The following EPB42 variants were observed in gnomAD, a reference collection of about 807,000 sequenced individuals.
EPB42 encodes the protein protein 4.2.
EPB42 carries 49 observed loss-of-function variants against 76.9 expected under a neutral mutation model. That is an observed-to-expected ratio of 0.64 (90% CI 0.51 to 0.81). The LOEUF (loss-of-function observed/expected upper bound fraction) is 0.81. Among genes scored for constraint, EPB42 ranks in the 30% least tolerant of loss-of-function variants. The pLI, the probability that EPB42 is intolerant of heterozygous loss-of-function variation, is 0.00. For missense variants in EPB42, 731 were observed against 867.6 expected (o/e 0.84, Z 1.98); for synonymous variants, 310 against 338.4 (o/e 0.92, Z 0.92).
chr15:43,225,316 G>GT, upstream of EPB42, among the ~76,000 whole-genome samples: 1 of 152,170 alleles, frequency 6.6e-6, no homozygotes. Context: ...TATTTTTAAA[G>GT]TAACAAAAAC....
chr15:43,199,154 G>A (rs1270264086), intron 12 of EPB42, among the ~76,000 whole-genome samples: 1 of 152,210 alleles, frequency 6.6e-6, no homozygotes, highest in African/African-American at 2.4e-5. Flanking sequence ...GGAGCTGTGA[G>A]AAGAGGGCCG....
chr15:43,211,262 GC>G (rs1345691068), intron 4 of EPB42, among the ~76,000 whole-genome samples, 153 bp downstream of exon 4: 1 of 152,122 alleles, frequency 6.6e-6, no homozygotes, highest in Non-Finnish European at 1.5e-5. Flanking sequence ...TTCTGATATG[GC>G]CCAGAGGAAG....
intron 3 of EPB42, among the ~76,000 whole-genome samples, chr15:43,214,649 T>G (rs1162802346): frequency 6.6e-6 from 1 of 152,136 alleles, no homozygotes; most frequent in Non-Finnish European, 1.5e-5. Flanking sequence ...CTTCAGGTCC[T>G]GCAAAGCCTG....
chr15:43,220,081 C>T (rs2042434958), intron 1 of EPB42, among the ~76,000 whole-genome samples: 1 of 152,120 alleles, frequency 6.6e-6, no homozygotes, highest in Non-Finnish European at 1.5e-5. Flanking sequence ...TTGCCCTCCG[C>T]ACACCAGACC....
At chr15:43,218,344 T>C (rs1445334992) in intron 1 of EPB42, among the ~76,000 whole-genome samples, 2 of 152,114 alleles carry the variant, frequency 1.3e-5, no homozygotes, top group African/African-American at 4.8e-5. Flanking sequence ...TCATTTGGAT[T>C]CTTGTTCTGT....
At chr15:43,203,701 C>T (rs989224681) in intron 10 of EPB42, among the ~76,000 whole-genome samples, 8 of 152,074 alleles carry the variant, frequency 5.3e-5, no homozygotes, top group African/African-American at 1.9e-4. Context: ...GGTATCCCCC[C>T]TGCCTAAGTT....
In EPB42 at chr15:43,215,124, A is replaced by T; in HGVS notation, c.401T>A (p.Phe134Tyr). 1 of 1,614,214 alleles carries T rather than the reference A, an allele frequency of 6.2e-7. No homozygotes were observed. The highest frequency in any genetic ancestry group is 8.5e-7 in the Non-Finnish European group (1 of 1,180,046). ...SGRKQLLLGQ[F>Y]TLLFNPWNRE... ...ATTCCAGGGGTTAAAAAGCAGTGTGAACTGACCCAAGAGGAGTTGCTTCCT... is the reference window on the plus strand; with the variant it reads ...ATTCCAGGGGTTAAAAAGCAGTGTGTACTGACCCAAGAGGAGTTGCTTCCT... Residue 134 changes from phenylalanine to tyrosine, a missense_variant, in exon 3 of 13, where the codon TTC (phenylalanine) becomes TAC (tyrosine). Coordinates refer to ENST00000441366, the MANE Select transcript of EPB42 (RefSeq NM_001114134.2).
Position 43,206,083 on chromosome 15 carries a change from C to A in EPB42, c.1618+247G>T. On this transcript the variant is annotated intron_variant, in intron 10 of 12. Coordinates refer to ENST00000441366, the MANE Select transcript of EPB42 (RefSeq NM_001114134.2). The surrounding 1 kb of genome is among the most constrained non-coding windows in gnomAD (Gnocchi z 4.7). Reference sequence around the variant, plus strand: ...TGTACTCTGTTAAACTCAGCAAACACTTCTCACACTGCTACGAAGGGTCTG... The same window carrying A: ...TGTACTCTGTTAAACTCAGCAAACAATTCTCACACTGCTACGAAGGGTCTG... 2.1e-6 allele frequency: 1 copy of A among 484,164 alleles called. No homozygotes were observed. Among genetic ancestry groups the A allele is most frequent in the Middle Eastern group, 5.3e-4 (1 of 1,874 alleles). The allele number at this position is 484,164 out of a possible 1,614,324, so 30.0% of individuals were successfully genotyped here.
chr15:43,216,264 T>C lies in EPB42; in HGVS notation c.196+4A>G. On this transcript the variant is annotated splice_donor_region_variant and intron_variant, in intron 2 of 12. Coordinates refer to ENST00000441366, the MANE Select transcript of EPB42 (RefSeq NM_001114134.2). The stretch of plus-strand genomic sequence containing the variant: ...CCAAAGGAGTCTAGGCCTGACTCAC[T>C]AACCAGTTTGTGCAGTGAGGGCCAC... The C allele has an allele frequency of 1.2e-6, 2 of 1,613,640 alleles. No homozygotes were observed. The highest frequency in any genetic ancestry group is 1.7e-6 in the Non-Finnish European group (2 of 1,180,024).
chr15:43,200,691 T>C (rs2042111611), intron 12 of EPB42, among the ~76,000 whole-genome samples: 1 of 152,160 alleles, frequency 6.6e-6, no homozygotes, highest in South Asian at 2.1e-4. Context: ...GAAATTCTCA[T>C]GTGCTGCTGG....
intron 10 of EPB42, chr15:43,205,966 A>G (rs1360578143): frequency 5.0e-6 from 1 of 200,810 alleles, no homozygotes; most frequent in African/African-American, 2.3e-5. Context: ...TTTTCTGGCC[A>G]TTACTCTCCT....
chr15:43,210,462 A>G (rs1393413468), intron 4 of EPB42, 23 bp from the exon 5 acceptor site: 3 of 1,606,620 alleles, frequency 1.9e-6, no homozygotes, highest in Non-Finnish European at 2.6e-6. Context: ...ACACAGGGCC[A>G]TGATGAAGGG....
At chr15:43,198,187 T>TGGAACTGGGTAACA (rs1177692143) in intron 12 of EPB42, among the ~76,000 whole-genome samples, 1 of 152,218 alleles carries the variant, frequency 6.6e-6, no homozygotes, top group Non-Finnish European at 1.5e-5. Context: ...GAAGTGACTT[T>TGGAACTGGGTAACA]GGAACTGGGT....
Position 43,211,494 on chromosome 15 carries a change from C to T in EPB42, c.471G>A (p.Glu157=), listed in dbSNP as rs773013090. Residue 157 remains glutamate (E), a synonymous_variant, in exon 4 of 13, where the codon GAG becomes GAA. Coordinates refer to ENST00000441366, the MANE Select transcript of EPB42 (RefSeq NM_001114134.2). ...VFLKNEAQRM[E]YLLNQNGLIY... ...TGAGACCATTCTGGTTCAACAAGTACTCCATGCGCTGAGCCTCATTCTTCA... is the reference window on the plus strand; with the variant it reads ...TGAGACCATTCTGGTTCAACAAGTATTCCATGCGCTGAGCCTCATTCTTCA... 1 of 1,614,080 alleles carries T rather than the reference C, an allele frequency of 6.2e-7. No homozygotes were observed. Among genetic ancestry groups the T allele is most frequent in the Non-Finnish European group, 8.5e-7 (1 of 1,179,906 alleles).
chr15:43,216,790 C>T (rs1339120153), intron 1 of EPB42, among the ~76,000 whole-genome samples: 1 of 152,172 alleles, frequency 6.6e-6, no homozygotes, highest in East Asian at 1.9e-4. Flanking sequence ...TTTTTCTGGT[C>T]CCAATCCACA....
chr15:43,200,246 C>T (rs1373498266), intron 12 of EPB42, among the ~76,000 whole-genome samples: 1 of 152,152 alleles, frequency 6.6e-6, no homozygotes, highest in Non-Finnish European at 1.5e-5. Context: ...TGTTGACAGT[C>T]CCTTCTCTTG....
At chr15:43,205,509 C>G (rs2042189160) in intron 10 of EPB42, among the ~76,000 whole-genome samples, 1 of 152,176 alleles carries the variant, frequency 6.6e-6, no homozygotes, top group East Asian at 1.9e-4. Flanking sequence ...AAGCGATTCT[C>G]CTGCCTCAGT....
At chr15:43,222,046 G>GGCA (rs1247232590), upstream of EPB42, among the ~76,000 whole-genome samples, 1 of 151,680 alleles carries the variant, frequency 6.6e-6, no homozygotes, top group Non-Finnish European at 1.5e-5. Flanking sequence ...AGGAGGCTAA[G>GGCA]GCAGAAGAAT....
At chr15:43,205,363 A>G (rs187372922) in intron 10 of EPB42, among the ~76,000 whole-genome samples, 1 of 152,278 alleles carries the variant, frequency 6.6e-6, no homozygotes, top group East Asian at 1.9e-4. Flanking sequence ...GAATTACTTC[A>G]GTTTTTAAAA....
Sources: allele counts gnomAD v4.1 joint callset (sites outside exome capture counted in the v4.1 genomes callset), GRCh38; gene constraint gnomAD v4.1.1; non-coding constraint Gnocchi (gnomAD v3.1); transcripts MANE v1.5; gene names NCBI Gene and HGNC (gene_info 2026-07-23, HGNC 2026-07-21).